SCLT1: variants seen among roughly 807,000 people sequenced by gnomAD.
SCLT1 encodes the protein sodium channel-associated protein 1.
SCLT1 carries 78 observed loss-of-function variants against 112.8 expected under a neutral mutation model. The observed-to-expected ratio is 0.69, with a 90% CI of 0.58 to 0.83. The LOEUF is 0.83. SCLT1 is among the 40% of genes least tolerant of loss of function. The pLI is 0.00. For synonymous variants in SCLT1, 257 were observed against 254.7 expected (o/e 1.01, Z -0.09); for missense variants, 747 against 770.4 (o/e 0.97, Z 0.36).
chr4:128,888,748 T>C lies in SCLT1; in HGVS notation c.1935A>G (p.Gln645=), dbSNP rs375967380. ...GCCTTTGAAGTCTGTTGGCTTTTTCTTGATGCTCTAGAATTAGCTTTTCAT... is the reference window on the plus strand; with the variant it reads ...GCCTTTGAAGTCTGTTGGCTTTTTCCTGATGCTCTAGAATTAGCTTTTCAT... ...AENEKLILEH[Q]EKANRLQRRL... The change falls in exon 20 of 21, where the codon CAA becomes CAG. Residue 645 remains glutamine (Q), a synonymous_variant. Transcript: ENST00000281142. 8.7e-6 allele frequency: 14 copies of C among 1,611,686 alleles called. No homozygotes were observed. Among genetic ancestry groups the C allele is most frequent in the South Asian group, 4.4e-5 (4 of 90,932 alleles).
chr4:128,905,938 T>TA (rs947246106), intron 18 of SCLT1, among the ~76,000 whole-genome samples: 1 of 152,146 alleles, frequency 6.6e-6, no homozygotes, highest in African/African-American at 2.4e-5. Context: ...TGGTTCTGAT[T>TA]GTTATATTGT....
At chr4:129,062,581 T>C (rs780590770) in intron 2 of SCLT1, among the ~76,000 whole-genome samples, 46 of 152,170 alleles carry the variant, frequency 3.0e-4, no homozygotes, top group Admixed American at 6.6e-4. Context: ...TTGGGGCTAG[T>C]GGTGATGAAC....
intron 5 of SCLT1, among the ~76,000 whole-genome samples, chr4:129,025,441 G>T (rs1434119194): frequency 1.3e-5 from 2 of 152,122 alleles, no homozygotes; most frequent in African/African-American, 2.4e-5. Context: ...TTCATATCCA[G>T]CCAAACTAAG....
In SCLT1 at chr4:129,026,444, A is replaced by G. The variant is rs1298954659; in HGVS notation, c.290+12597T>C. Among the ~76,000 whole-genome samples the G allele has an allele frequency of 2.6e-5, 4 of 152,066 alleles. No individual in the cohort carries two copies. The South Asian group carries it at 8.3e-4, about 31-fold the overall frequency. ...TGGAAACTGAACAACCTGCTCCTGA[A>G]TGACTACTGGGTAAATAATGAAATG... On this transcript the variant is annotated intron_variant, in intron 5 of 20. Transcript: ENST00000281142.
At position 129,005,296 on chromosome 4, in the gene SCLT1, AAAATG is replaced by A. The variant is rs546983962; in HGVS notation, c.291-1425_291-1421del. On this transcript the variant is annotated intron_variant, in intron 5 of 20. Coordinates refer to ENST00000281142, the MANE Select transcript of SCLT1 (RefSeq NM_144643.4). Reference sequence around the variant, plus strand: ...TATCCTAATCCTTTAAATTGATTGTAAAATGAAATGAAAAAATAGTAAAATTAATA... The same window carrying A: ...TATCCTAATCCTTTAAATTGATTGTAAAATGAAAAAATAGTAAAATTAATA... Among the ~76,000 whole-genome samples the A allele has an allele frequency of 7.2e-5, 11 of 152,292 alleles. No individual in the cohort carries two copies. The East Asian group carries it at 1.9e-3, about 27-fold the overall frequency.
chr4:128,989,878 C>G (rs1742412967), intron 9 of SCLT1, among the ~76,000 whole-genome samples: 1 of 151,402 alleles, frequency 6.6e-6, no homozygotes, highest in African/African-American at 2.4e-5. Context: ...CTAGAAACAT[C>G]CAACCTACCA....
intron 5 of SCLT1, among the ~76,000 whole-genome samples, chr4:129,005,411 A>G (rs1743905476): frequency 1.3e-5 from 2 of 152,222 alleles, no homozygotes; most frequent in African/African-American, 4.8e-5. Flanking sequence ...AGACACATGA[A>G]AAAATGCTCA....
At chr4:129,091,607 C>T (rs375670918) in intron 1 of SCLT1, among the ~76,000 whole-genome samples, 2 of 152,052 alleles carry the variant, frequency 1.3e-5, no homozygotes, top group African/African-American at 4.8e-5. Context: ...ATTCCCACTG[C>T]AAACCTAAGA....
rs1744113177 is a variant in SCLT1, at chr4:129,007,294, A to C, written c.291-3418T>G. Among the ~76,000 whole-genome samples, 3 of 151,702 alleles carry C rather than the reference A, an allele frequency of 2.0e-5. No individual in the cohort carries two copies. The South Asian group carries it at 6.2e-4, about 31-fold the overall frequency. ...TTATTCAAATATTGCATCTTAACTT[A>C]CTGTTTTTTTTTCTGGTTGCTATTT... On this transcript the variant is annotated intron_variant, in intron 5 of 20. Transcript: ENST00000281142.
intron 18 of SCLT1, among the ~76,000 whole-genome samples, chr4:128,929,479 A>G (rs1353000504): frequency 6.6e-6 from 1 of 152,232 alleles, no homozygotes; most frequent in Admixed American, 6.5e-5. Context: ...GAATACAGAA[A>G]TGCCAAGAAC....
intron 2 of SCLT1, among the ~76,000 whole-genome samples, chr4:129,071,075 T>C (rs550621590): frequency 6.6e-6 from 1 of 152,288 alleles, no homozygotes; most frequent in South Asian, 2.1e-4. Flanking sequence ...TTCCATGTAT[T>C]TGCATGGTTT....
chr4:128,899,112 C>G (rs1449832541), intron 18 of SCLT1, among the ~76,000 whole-genome samples: 1 of 152,168 alleles, frequency 6.6e-6, no homozygotes, highest in Non-Finnish European at 1.5e-5. Context: ...GGAGCTGGTA[C>G]CATTCCTTCT....
Position 128,978,447 on chromosome 4 carries a change from C to CA in SCLT1, c.687-7980dup, listed in dbSNP as rs200535344. 6.1e-3 allele frequency among the ~76,000 whole-genome samples: 927 copies of CA among 150,918 alleles called. 4 individuals are homozygous for CA. Among genetic ancestry groups the CA allele is most frequent in the Admixed American group, 0.016 (240 of 15,164 alleles). On this transcript the variant is annotated intron_variant, in intron 9 of 20. Coordinates refer to ENST00000281142, the MANE Select transcript of SCLT1 (RefSeq NM_144643.4). ...AAAAGAAGCAAAAAACAAAACAAAA[C>CA]AAAACAAAAAAACAAGCAACAAAAG...
intron 9 of SCLT1, among the ~76,000 whole-genome samples, chr4:128,976,019 G>A (rs539649628): frequency 2.0e-5 from 3 of 152,110 alleles, no homozygotes; most frequent in Non-Finnish European, 1.5e-5. Flanking sequence ...TACGTTATTT[G>A]TATATTATTT....
At chr4:128,990,229 A>T (rs1307990595) in intron 9 of SCLT1, among the ~76,000 whole-genome samples, 1 of 151,972 alleles carries the variant, frequency 6.6e-6, no homozygotes, top group Admixed American at 6.6e-5. Context: ...CAATTCAACA[A>T]CACATTAAAG....
At chr4:129,026,926 T>G (rs1746153528) in intron 5 of SCLT1, among the ~76,000 whole-genome samples, 1 of 152,140 alleles carries the variant, frequency 6.6e-6, no homozygotes. Flanking sequence ...CAAACACCTC[T>G]ATGCAAATAA....
chr4:129,027,929 G>T (rs1746280265), intron 5 of SCLT1, among the ~76,000 whole-genome samples: 1 of 152,134 alleles, frequency 6.6e-6, no homozygotes, highest in Non-Finnish European at 1.5e-5. Flanking sequence ...ATTCACAATT[G>T]CTTCAAAGAG....
At chr4:129,091,256 G>C (rs977114837) in intron 1 of SCLT1, among the ~76,000 whole-genome samples, 2 of 151,918 alleles carry the variant, frequency 1.3e-5, no homozygotes, top group African/African-American at 4.8e-5. Context: ...TCTATGCTCC[G>C]ATTTCCTGAA....
intron 11 of SCLT1, among the ~76,000 whole-genome samples, chr4:128,963,900 CAG>C (rs1190016548): frequency 6.6e-6 from 1 of 152,056 alleles, no homozygotes; most frequent in Non-Finnish European, 1.5e-5. Context: ...TTTTATTAAA[CAG>C]ATAAATTATT....
Sources: gnomAD v4.1 joint callset for allele counts (sites outside exome capture counted in the v4.1 genomes callset) on GRCh38, gnomAD v4.1.1 for gene constraint, MANE v1.5 for transcripts, NCBI Gene and HGNC (gene_info 2026-07-23, HGNC 2026-07-21) for gene names.